The following ACYP2 variants were observed in gnomAD, a reference collection of about 807,000 sequenced individuals.
ACYP2 encodes the protein acylphosphatase 2.
In ACYP2, 12 loss-of-function variants were observed where a neutral mutation model predicts 11.2. That is an observed-to-expected ratio of 1.08 (90% CI 0.69 to 1.74). The LOEUF is 1.74. Among genes scored for constraint, ACYP2 ranks in the 40% most tolerant of loss-of-function variants. ACYP2 has a pLI of 0.00. For synonymous variants in ACYP2, 43 were observed against 32.2 expected, an observed-to-expected ratio of 1.33 and a Z score of -1.13; for missense variants, 134 against 101.9, an observed-to-expected ratio of 1.31 and a Z score of -1.35.
At chr2:54,133,427 T>A (rs930213212) in intron 4 of ACYP2, among the ~76,000 whole-genome samples, 2 of 152,220 alleles carry the variant, frequency 1.3e-5, no homozygotes, top group African/African-American at 4.8e-5. Context: ...AGCACTTTTT[T>A]TTTCTGTCAT....
intron 4 of ACYP2, among the ~76,000 whole-genome samples, chr2:54,100,011 G>C (rs887682493): frequency 6.6e-6 from 1 of 152,086 alleles, no homozygotes; most frequent in Non-Finnish European, 1.5e-5. Flanking sequence ...TCTCCTTGTG[G>C]TTTTAATTTG....
intron 2 of ACYP2, among the ~76,000 whole-genome samples, chr2:54,013,253 ATATG>A (rs1421301976): frequency 1.7e-4 from 4 of 24,180 alleles, no homozygotes; most frequent in Admixed American, 5.9e-4. Flanking sequence ...CCACCATCTA[ATATG>A]TGTGTGTGTG....
chr2:54,092,902 A>T (rs1279252062), intron 4 of ACYP2, among the ~76,000 whole-genome samples: 1 of 152,194 alleles, frequency 6.6e-6, no homozygotes, highest in African/African-American at 2.4e-5. Context: ...AATTGTCCTC[A>T]GCCAAAGAGA....
intron 4 of ACYP2, among the ~76,000 whole-genome samples, chr2:54,091,179 G>A (rs1224740369): frequency 6.6e-6 from 1 of 152,164 alleles, no homozygotes; most frequent in Non-Finnish European, 1.5e-5. Context: ...TTTATCAAAT[G>A]AAAAGAAGCA....
chr2:54,257,233 G>A (rs192837305), intron 6 of ACYP2, among the ~76,000 whole-genome samples: 1 of 152,166 alleles, frequency 6.6e-6, no homozygotes, highest in Non-Finnish European at 1.5e-5. Flanking sequence ...GAAAAAAAGA[G>A]GAATCTTATC....
intron 6 of ACYP2, among the ~76,000 whole-genome samples, chr2:54,265,600 G>A (rs112961885): frequency 2.4e-4 from 36 of 152,216 alleles, no homozygotes; most frequent in Non-Finnish European, 4.4e-4. Flanking sequence ...TTGGGCAAAC[G>A]CTTAACCTCT....
chr2:54,195,794 G>GGTTTTTTT (rs1553389697), intron 6 of ACYP2, among the ~76,000 whole-genome samples: 3 of 83,132 alleles, frequency 3.6e-5, no homozygotes, highest in African/African-American at 9.9e-5. Flanking sequence ...TTTGTTGTGG[G>GGTTTTTTT]TTTTTTTTTT....
intron 6 of ACYP2, among the ~76,000 whole-genome samples, chr2:54,232,627 G>T (rs1423276792): frequency 6.6e-6 from 1 of 152,076 alleles, no homozygotes; most frequent in Non-Finnish European, 1.5e-5. Flanking sequence ...CTTGAGACTG[G>T]GTAATTTATA....
chr2:54,251,131 G>A (rs1442697316), intron 6 of ACYP2, among the ~76,000 whole-genome samples: 2 of 152,180 alleles, frequency 1.3e-5, no homozygotes, highest in East Asian at 3.8e-4. Flanking sequence ...CTGTGATAAA[G>A]GTCAGTTGAC....
chr2:54,051,773 A>G (rs1441417596), intron 3 of ACYP2: 8 of 494,386 alleles, frequency 1.6e-5, no homozygotes, highest in Non-Finnish European at 2.2e-5. Flanking sequence ...TGCCAGGCTC[A>G]GTGGCTCACA....
intron 6 of ACYP2, among the ~76,000 whole-genome samples, chr2:54,182,650 T>C (rs1020157890): frequency 6.6e-6 from 1 of 152,160 alleles, no homozygotes; most frequent in African/African-American, 2.4e-5. Context: ...AGATAAAATC[T>C]GTGACCACCG....
intron 6 of ACYP2, among the ~76,000 whole-genome samples, chr2:54,192,279 C>A (rs1238100488): frequency 1.3e-5 from 2 of 152,028 alleles, no homozygotes; most frequent in African/African-American, 2.4e-5. Context: ...AATATTCTTT[C>A]TTTAATTAAA....
chr2:54,039,451 C>T (rs1675105128), intron 2 of ACYP2, among the ~76,000 whole-genome samples: 1 of 151,890 alleles, frequency 6.6e-6, no homozygotes, highest in South Asian at 2.1e-4. Flanking sequence ...ACTATCATGC[C>T]TGGCTAATTT....
At chr2:54,128,495 C>G (rs1680679862) in intron 4 of ACYP2, among the ~76,000 whole-genome samples, 1 of 152,018 alleles carries the variant, frequency 6.6e-6, no homozygotes, top group Admixed American at 6.6e-5. Context: ...TAGTCAGACT[C>G]CATCTCTACA....
chr2:54,068,223 T>C (rs1324163506), intron 4 of ACYP2, among the ~76,000 whole-genome samples: 1 of 152,194 alleles, frequency 6.6e-6, no homozygotes. Flanking sequence ...AGAGAGGAAC[T>C]GGGTTTGTAC....
intron 6 of ACYP2, among the ~76,000 whole-genome samples, chr2:54,169,956 G>A (rs933557935): frequency 3.3e-5 from 5 of 152,040 alleles, no homozygotes; most frequent in Non-Finnish European, 7.4e-5. Context: ...ACTTTTTACC[G>A]TGATAGACAA....
intron 6 of ACYP2, among the ~76,000 whole-genome samples, chr2:54,159,174 A>T (rs200561558): frequency 8.1e-6 from 1 of 123,920 alleles, no homozygotes; most frequent in Non-Finnish European, 1.7e-5. Flanking sequence ...CCTGGGCTTT[A>T]AAAAAAAAAA....
intron 4 of ACYP2, among the ~76,000 whole-genome samples, chr2:54,103,898 A>G (rs1679025927): frequency 6.6e-6 from 1 of 152,148 alleles, no homozygotes; most frequent in African/African-American, 2.4e-5. Context: ...CCTTTGCCCT[A>G]GCCGGCCAGG....
chr2:54,225,926 A>T (rs1011181269), intron 6 of ACYP2, among the ~76,000 whole-genome samples: 2 of 152,246 alleles, frequency 1.3e-5, no homozygotes, highest in Non-Finnish European at 2.9e-5. Flanking sequence ...TTAATAACTC[A>T]TTGCAGAAAA....
Sources: gnomAD v4.1 joint callset for allele counts (sites outside exome capture counted in the v4.1 genomes callset) on GRCh38, gnomAD v4.1.1 for gene constraint, MANE v1.5 for transcripts, NCBI Gene and HGNC (gene_info 2026-07-23, HGNC 2026-07-21) for gene names.